GTF2I: variants seen among roughly 807,000 people sequenced by gnomAD.
The protein encoded by GTF2I is general transcription factor IIi.
Under a neutral mutation model 67.6 loss-of-function variants are expected in GTF2I, and 12 were observed. The observed-to-expected ratio is 0.18, with a 90% CI of 0.11 to 0.29. The LOEUF is 0.29. Among genes scored for constraint, GTF2I ranks in the 10% least tolerant of loss-of-function variants. The pLI is 1.00. For synonymous variants in GTF2I, 149 were observed against 197.0 expected (o/e 0.76, Z 2.04); for missense variants, 271 against 580.1 (o/e 0.47, Z 5.47).
At chr7:74,671,397 T>G (rs1198633333) in intron 1 of GTF2I, among the ~76,000 whole-genome samples, 4 of 151,914 alleles carry the variant, frequency 2.6e-5, no homozygotes, top group Non-Finnish European at 5.9e-5. Context: ...AGATCTTTTC[T>G]TTATTATTTT....
At chr7:74,667,309 C>T (rs1268886296) in intron 1 of GTF2I, among the ~76,000 whole-genome samples, 4 of 152,066 alleles carry the variant, frequency 2.6e-5, no homozygotes, top group Admixed American at 6.6e-5. Flanking sequence ...TGCCACTGCT[C>T]TCCAGCCTAG....
intron 6 of GTF2I, among the ~76,000 whole-genome samples, chr7:74,701,338 A>G (rs1554399826): frequency 6.6e-6 from 1 of 152,204 alleles, no homozygotes; most frequent in Non-Finnish European, 1.5e-5. Context: ...AAAGGAAAAA[A>G]TTATATATAC....
intron 1 of GTF2I, among the ~76,000 whole-genome samples, chr7:74,680,683 A>T (rs1787196481): frequency 6.6e-6 from 1 of 152,194 alleles, no homozygotes. Flanking sequence ...TGGAGGCTTC[A>T]GTTAGCAGTG....
intron 1 of GTF2I, among the ~76,000 whole-genome samples, chr7:74,668,213 C>G (rs1554389316): frequency 8.4e-6 from 1 of 119,068 alleles, no homozygotes; most frequent in South Asian, 2.9e-4. Context: ...GGGTCTTGCT[C>G]TGTTGCCCAG....
chr7:74,678,184 C>T (rs906190812), intron 1 of GTF2I, among the ~76,000 whole-genome samples: 3 of 150,276 alleles, frequency 2.0e-5, no homozygotes, highest in Non-Finnish European at 3.0e-5. Flanking sequence ...CCTCCCAGAG[C>T]GCTGGGATTA....
In GTF2I at chr7:74,666,421, C is replaced by T. The variant is rs587658820; in HGVS notation, c.-6+8353C>T. ...TGTGAGATAATTTGACAGAGGAGGA[C>T]GATGGCATGTATTATGTCCATATGA... On this transcript the variant is annotated intron_variant, in intron 1 of 34. Transcript: ENST00000573035. Among the ~76,000 whole-genome samples, 13 of 152,196 alleles carry T rather than the reference C, an allele frequency of 8.5e-5. No homozygotes were observed. In the South Asian group the frequency reaches 2.1e-3, roughly 24 times the overall value.
At chr7:74,731,330 A>T (rs1663683987) in intron 14 of GTF2I, among the ~76,000 whole-genome samples, 1 of 143,080 alleles carries the variant, frequency 7.0e-6, no homozygotes, top group South Asian at 2.3e-4. Context: ...AACCATATTG[A>T]TGGTATTTGT....
intron 20 of GTF2I, 191 bp downstream of exon 20, chr7:74,743,711 GTC>G: frequency 2.1e-6 from 1 of 487,006 alleles, no homozygotes. Flanking sequence ...ATGAAACCCC[GTC>G]TCTACTAAAA....
chr7:74,671,079 C>CT (rs869137920), intron 1 of GTF2I, among the ~76,000 whole-genome samples: 1,749 of 61,596 alleles, frequency 0.028, 9 homozygotes, highest in Non-Finnish European at 0.034. Context: ...TGGGCAGATC[C>CT]TTTTTTTTTT....
intron 9 of GTF2I, among the ~76,000 whole-genome samples, 162 bp downstream of exon 9, chr7:74,711,271 G>A (rs1791510717): frequency 6.6e-6 from 1 of 151,868 alleles, no homozygotes; most frequent in African/African-American, 2.4e-5. Flanking sequence ...TTTAAAAATG[G>A]GGCTAAAAGA....
At chr7:74,720,967 A>AAC (rs1792906666) in intron 12 of GTF2I, among the ~76,000 whole-genome samples, 1 of 152,152 alleles carries the variant, frequency 6.6e-6, no homozygotes, top group African/African-American at 2.4e-5. Flanking sequence ...CCTGAAGCTT[A>AAC]TGTCAGCCTT....
At chr7:74,703,325 C>T (rs1790089963) in intron 6 of GTF2I, among the ~76,000 whole-genome samples, 1 of 151,532 alleles carries the variant, frequency 6.6e-6, no homozygotes, top group South Asian at 2.1e-4. Context: ...TTGGTAGTAT[C>T]CTTTGAGGCA....
intron 6 of GTF2I, among the ~76,000 whole-genome samples, chr7:74,702,670 A>AT (rs1326608642): frequency 6.6e-6 from 1 of 150,710 alleles, no homozygotes; most frequent in African/African-American, 2.4e-5. Flanking sequence ...GTGGTATCTA[A>AT]TTTTTTTTGA....
rs782192353 is a variant in GTF2I, at chr7:74,714,847, T to A, written c.764-10T>A. ...GATTACTTTTGAAGTATTATCTTTG[T>A]ATCCCAAAGCAGGCCCTTCTGAAAC... On this transcript the variant is annotated splice_polypyrimidine_tract_variant and intron_variant, in intron 9 of 34. Coordinates refer to ENST00000573035, the MANE Select transcript of GTF2I (RefSeq NM_032999.4). The A allele has an allele frequency of 1.3e-6, 2 of 1,590,744 alleles. No individual in the cohort carries two copies. Among genetic ancestry groups the A allele is most frequent in the Admixed American group, 1.7e-5 (1 of 57,546 alleles).
rs587677476 is a variant in GTF2I at position 74,693,847 on chromosome 7, C to T, written c.238+2736C>T. 1.6e-4 allele frequency among the ~76,000 whole-genome samples: 24 copies of T among 150,302 alleles called. No homozygotes were observed. In the South Asian group the frequency reaches 4.4e-3, roughly 28 times the overall value. On this transcript the variant is annotated intron_variant, in intron 3 of 34. Coordinates refer to ENST00000573035, the MANE Select transcript of GTF2I (RefSeq NM_032999.4). The stretch of plus-strand genomic sequence containing the variant: ...GCGAAAGAGCAAGACTCCGTCTCAA[C>T]GAAAAAAAAAGGAAATTAGGCCAAT...
chr7:74,663,646 A>G (rs995290688), intron 1 of GTF2I, among the ~76,000 whole-genome samples: 1 of 152,132 alleles, frequency 6.6e-6, no homozygotes, highest in Admixed American at 6.6e-5. Flanking sequence ...TAGAAAATAC[A>G]CCTAATCAGT....
At chr7:74,690,922 G>T in intron 2 of GTF2I, 51 bp from the exon 3 acceptor site, 3 of 1,543,926 alleles carry the variant, frequency 1.9e-6, no homozygotes, top group East Asian at 2.3e-5. Context: ...GAGCAGAAAT[G>T]ATGCTCTTAA....
Position 74,714,933 on chromosome 7 carries a change from TC to T in GTF2I, c.823+19del, listed in dbSNP as rs1584254327. The T allele has an allele frequency of 7.2e-6, 11 of 1,528,632 alleles. No homozygotes were observed. The East Asian group carries it at 2.5e-4, about 35-fold the overall frequency. The allele number at this position is 1,528,632 out of a possible 1,614,324, so 94.7% of individuals were successfully genotyped here. On this transcript the variant is annotated intron_variant, in intron 10 of 34. Coordinates refer to ENST00000573035, the MANE Select transcript of GTF2I (RefSeq NM_032999.4). ...CTTTGCAAGGTATAATCTTTTCACT[TC>T]CATTCTCCCACATACTGCTTGTGTT...
chr7:74,679,165 G>A (rs990588591), intron 1 of GTF2I, among the ~76,000 whole-genome samples: 7 of 151,680 alleles, frequency 4.6e-5, no homozygotes, highest in Admixed American at 2.0e-4. Context: ...TGCAACCTCC[G>A]CCTCCCGGGT....
Sources: allele counts gnomAD v4.1 joint callset (sites outside exome capture counted in the v4.1 genomes callset), GRCh38; gene constraint gnomAD v4.1.1; transcripts MANE v1.5; gene names NCBI Gene and HGNC (gene_info 2026-07-23, HGNC 2026-07-21).